The following ADGRE3 variants were observed in gnomAD, a reference collection of about 807,000 sequenced individuals.
ADGRE3 encodes the protein EGF-like module receptor 3.
ADGRE3 carries 88 observed loss-of-function variants against 80.1 expected under a neutral mutation model. The ratio of observed to expected loss-of-function variants is 1.10; its 90% CI spans 0.93 to 1.31. The LOEUF (loss-of-function observed/expected upper bound fraction) is 1.31. Ranked by LOEUF, ADGRE3 falls within the 40% of genes most tolerant of loss-of-function variation. The pLI, the probability that ADGRE3 is intolerant of heterozygous loss-of-function variation, is 0.00. For missense variants in ADGRE3, 715 were observed against 776.5 expected (o/e 0.92, Z 0.94); for synonymous variants, 281 against 294.8 (o/e 0.95, Z 0.48).
chr19:14,624,076 A>G (rs9807883), intron 15 of ADGRE3, among the ~76,000 whole-genome samples: 15,350 of 147,946 alleles, frequency 0.1, 851 homozygotes, highest in African/African-American at 0.14. Context: ...TAGGACTACA[A>G]CGCCACCACA....
At position 14,668,787 on chromosome 19, in the gene ADGRE3, G is replaced by A; in HGVS notation, c.76+15C>T. ...CTTGGTCCACAAGTTCTCTGTTCTG[G>A]CTCTGAGCACTCACTTTTGGTTTTC... On this transcript the variant is annotated intron_variant, in intron 2 of 15. Transcript: ENST00000253673. 6.2e-7 allele frequency: 1 copy of A among 1,612,970 alleles called. No individual in the cohort carries two copies. Among genetic ancestry groups the A allele is most frequent in the Non-Finnish European group, 8.5e-7 (1 of 1,179,124 alleles).
intron 3 of ADGRE3, among the ~76,000 whole-genome samples, chr19:14,662,409 G>A (rs1019380240): frequency 3.9e-5 from 6 of 152,072 alleles, no homozygotes; most frequent in South Asian, 2.1e-4. Flanking sequence ...TTTTTGAGAC[G>A]GAGTCTTGCT....
chr19:14,625,642 T>C (rs1490746174), intron 14 of ADGRE3, 43 bp from the exon 15 acceptor site: 2 of 1,252,406 alleles, frequency 1.6e-6, no homozygotes, highest in Non-Finnish European at 2.3e-6. Flanking sequence ...TTGCTAACAT[T>C]GGTGAACAGC....
chr19:14,638,205 G>A lies in ADGRE3; in HGVS notation c.1384C>T (p.Leu462Phe), dbSNP rs2146833637. 6.2e-7 allele frequency: 1 copy of A among 1,614,138 alleles called. No individual in the cohort carries two copies. Among genetic ancestry groups the A allele is most frequent in the East Asian group, 2.2e-5 (1 of 44,870 alleles). Residue 462 changes from leucine to phenylalanine, a missense_variant, in exon 11 of 16, where the codon CTC (leucine) becomes TTC (phenylalanine). Leu to Phe is a conservative substitution (Grantham distance 22, BLOSUM62 0). Transcript: ENST00000253673. ...ACTGGGAACATGATCCACTTCATGA[G>A]TCTATTGATGCTTGAGTAGTTGACC... ...TVVNYSSINRLMKWIMFPVGY... is the reference protein window; with the variant it reads ...TVVNYSSINRFMKWIMFPVGY...
chr19:14,638,452 A>G (rs1421379000), intron 10 of ADGRE3, 112 bp from the exon 11 acceptor site: 2 of 713,800 alleles, frequency 2.8e-6, no homozygotes, highest in South Asian at 1.8e-5. Flanking sequence ...GACCAAGGGC[A>G]CTAAAAGTAA....
At chr19:14,636,663 A>G (rs773389807) in intron 11 of ADGRE3, among the ~76,000 whole-genome samples, 1 of 152,190 alleles carries the variant, frequency 6.6e-6, no homozygotes, top group Non-Finnish European at 1.5e-5. Context: ...CAGCACATCC[A>G]GGATTCACTG....
At chr19:14,672,361 T>C (rs981107668) in intron 1 of ADGRE3, among the ~76,000 whole-genome samples, 2 of 152,198 alleles carry the variant, frequency 1.3e-5, no homozygotes, top group African/African-American at 4.8e-5. Context: ...ACAGGTCCCC[T>C]GGGGTTAAGT....
chr19:14,646,471 T>C (rs1971402232), intron 8 of ADGRE3, among the ~76,000 whole-genome samples: 1 of 152,070 alleles, frequency 6.6e-6, no homozygotes, highest in Non-Finnish European at 1.5e-5. Flanking sequence ...TATAATTGTA[T>C]ATATTTATGG....
Position 14,620,548 on chromosome 19 carries a change from T to TATATAATATATATATATA in ADGRE3, c.1921-1078_1921-1077insTATATATATATATTATAT. ...TGAATATATATATTTTATATATATA[T>TATATAATATATATATATA]TATATATATATATATATATATTTTT... On this transcript the variant is annotated intron_variant, in intron 15 of 15. Coordinates refer to ENST00000253673, the MANE Select transcript of ADGRE3 (RefSeq NM_032571.5). Among the ~76,000 whole-genome samples, 28 of 24,946 alleles carry TATATAATATATATATATA rather than the reference T, an allele frequency of 1.1e-3. 2 individuals are homozygous for TATATAATATATATATATA. The highest frequency in any genetic ancestry group is 6.0e-3 in the East Asian group (4 of 664). 16.4% of individuals were successfully genotyped at this position (24,946 alleles called of 152,430 possible). A position where few individuals can be genotyped will look rare whatever the true frequency, so the allele number is the denominator to read the frequency against.
intron 2 of ADGRE3, among the ~76,000 whole-genome samples, chr19:14,663,897 C>T (rs1972022391): frequency 6.6e-6 from 1 of 151,986 alleles, no homozygotes; most frequent in South Asian, 2.1e-4. Context: ...TTTGCTGCAC[C>T]CATTTACATT....
intron 14 of ADGRE3, among the ~76,000 whole-genome samples, 163 bp downstream of exon 14, chr19:14,629,876 A>G (rs1236908612): frequency 6.6e-6 from 1 of 152,194 alleles, no homozygotes; most frequent in Non-Finnish European, 1.5e-5. Flanking sequence ...GATGTATCTT[A>G]ACAACTAGTA....
At chr19:14,629,541 T>A (rs892981255) in intron 14 of ADGRE3, among the ~76,000 whole-genome samples, 1 of 152,140 alleles carries the variant, frequency 6.6e-6, no homozygotes, top group African/African-American at 2.4e-5. Flanking sequence ...CTCTTTGTGA[T>A]TTCAGCATTG....
chr19:14,649,456 C>T (rs983641084), intron 7 of ADGRE3, among the ~76,000 whole-genome samples: 3 of 146,270 alleles, frequency 2.1e-5, no homozygotes, highest in Non-Finnish European at 3.0e-5. Context: ...CTCTCTCTTT[C>T]CACCTTTTTC....
the ADGRE3 span, chr19:14,600,261 C>T: frequency 6.6e-7 from 1 of 1,508,250 alleles, no homozygotes. Context: ...TCCCTCCCTT[C>T]CCTGGATGGC....
chr19:14,664,685 G>A lies in ADGRE3; in HGVS notation c.77-1145C>T, dbSNP rs1024757639. Among the ~76,000 whole-genome samples, 6 of 151,992 alleles carry A rather than the reference G, an allele frequency of 3.9e-5. No homozygotes were observed. The East Asian group carries it at 5.8e-4, about 15-fold the overall frequency. On this transcript the variant is annotated intron_variant, in intron 2 of 15. Coordinates refer to ENST00000253673, the MANE Select transcript of ADGRE3 (RefSeq NM_032571.5). Reference sequence around the variant, plus strand: ...GGTCATGTCATTACACTGCAGCCTCGGCGACAGAGTGAGGCTCTGTCTCTA... The same window carrying A: ...GGTCATGTCATTACACTGCAGCCTCAGCGACAGAGTGAGGCTCTGTCTCTA...
chr19:14,607,939 C>T, the ADGRE3 span, among the ~76,000 whole-genome samples: 3 of 152,018 alleles, frequency 2.0e-5, no homozygotes, highest in South Asian at 2.1e-4. Flanking sequence ...GGTGCAATCT[C>T]GGCTCACTGC....
At chr19:14,637,548 C>G (rs1184568321) in intron 11 of ADGRE3, among the ~76,000 whole-genome samples, 1 of 131,182 alleles carries the variant, frequency 7.6e-6, no homozygotes, top group Non-Finnish European at 1.6e-5. Context: ...TGTGAACCAC[C>G]ATGCTTGGCT....
chr19:14,660,873 C>G (rs1241755828), intron 4 of ADGRE3, among the ~76,000 whole-genome samples: 1 of 150,294 alleles, frequency 6.7e-6, no homozygotes, highest in Admixed American at 6.6e-5. Flanking sequence ...GTCAACTGAT[C>G]TCTCTTTGGT....
rs1398069332 is a variant in ADGRE3 at position 14,674,634 on chromosome 19, T to C, written c.25+112A>G. ...GAAACCACACTCCAAAGGGAAAAGG[T>C]GAGAGTGTTCAGAGCAGAAGAAAGA... is the stretch of plus-strand genomic sequence containing the variant. On this transcript the variant is annotated intron_variant, in intron 1 of 15. Coordinates refer to ENST00000253673, the MANE Select transcript of ADGRE3 (RefSeq NM_032571.5). The C allele has an allele frequency of 6.5e-6, 7 of 1,074,488 alleles. No homozygotes were observed. In the Admixed American group the frequency reaches 1.6e-4, roughly 24 times the overall value. 66.6% of individuals were successfully genotyped at this position (1,074,488 alleles called of 1,614,324 possible). A position where few individuals can be genotyped will look rare whatever the true frequency, so the allele number is the denominator to read the frequency against.
Sources: gnomAD v4.1 joint callset for allele counts (sites outside exome capture counted in the v4.1 genomes callset) on GRCh38, gnomAD v4.1.1 for gene constraint, MANE v1.5 for transcripts, NCBI Gene and HGNC (gene_info 2026-07-23, HGNC 2026-07-21) for gene names.